Variants in NTM observed in about 807,000 individuals in gnomAD.
NTM encodes neurotrimin.
In NTM, 13 loss-of-function variants were observed where a neutral mutation model predicts 42.1. The ratio of observed to expected loss-of-function variants is 0.31; its 90% CI spans 0.20 to 0.49. The LOEUF is 0.49. Ranked by LOEUF, NTM falls within the 20% of genes least tolerant of loss-of-function variation. NTM has a pLI of 0.99. For synonymous variants in NTM, 187 were observed against 179.2 expected, an observed-to-expected ratio of 1.04 and a Z score of -0.35; for missense variants, 373 against 452.8, an observed-to-expected ratio of 0.82 and a Z score of 1.60.
intron 4 of NTM, among the ~76,000 whole-genome samples, chr11:132,276,722 G>A (rs1257555796): frequency 6.6e-6 from 1 of 152,190 alleles, no homozygotes; most frequent in Non-Finnish European, 1.5e-5. Flanking sequence ...TGTGGGGGAA[G>A]AGTGTGCTCT....
chr11:131,534,555 G>A (rs2051840997), intron 1 of NTM: 1 of 152,112 alleles, frequency 6.6e-6, no homozygotes, highest in Non-Finnish European at 1.5e-5. Context: ...TACATCATAG[G>A]TTTTCAAAAA....
intron 3 of NTM, among the ~76,000 whole-genome samples, chr11:132,175,047 A>G (rs1033574528): frequency 1.3e-5 from 2 of 152,166 alleles, no homozygotes; most frequent in Non-Finnish European, 2.9e-5. Context: ...GGAGTTTAGC[A>G]GCATTCGGTC....
intron 1 of NTM, among the ~76,000 whole-genome samples, chr11:131,563,073 T>G (rs979963827): frequency 6.6e-6 from 1 of 152,182 alleles, no homozygotes; most frequent in Non-Finnish European, 1.5e-5. Flanking sequence ...GCAAATCACT[T>G]TCACCTCCTT....
chr11:131,652,817 C>T (rs572563324), intron 1 of NTM, among the ~76,000 whole-genome samples: 8 of 152,318 alleles, frequency 5.3e-5, no homozygotes, highest in East Asian at 1.9e-4. Context: ...CTGAGCAAGT[C>T]GGGGCACTCC....
intron 1 of NTM, among the ~76,000 whole-genome samples, chr11:131,748,145 C>T (rs1319495043): frequency 6.6e-6 from 1 of 152,198 alleles, no homozygotes; most frequent in African/African-American, 2.4e-5. Context: ...GTCATATAGT[C>T]ACTCAACCAA....
rs1371188947 is a variant in NTM at position 131,386,427 on chromosome 11, A to T, written c.82+15539A>T. 2.0e-5 allele frequency among the ~76,000 whole-genome samples: 3 copies of T among 152,378 alleles called. No homozygotes were observed. The East Asian group carries it at 5.8e-4, about 29-fold the overall frequency. On this transcript the variant is annotated intron_variant, in intron 1 of 8. Coordinates refer to ENST00000683400, the MANE Select transcript of NTM (RefSeq NM_001352005.2). ...AACATACTCAATGTCACTTAATGGT[A>T]CACTTAGAAATGGTTAAAAGGGTGA...
intron 1 of NTM, among the ~76,000 whole-genome samples, chr11:131,438,177 C>T (rs2084439): frequency 0.93 from 141,443 of 152,268 alleles, 65,871 homozygotes; most frequent in East Asian, 1. Flanking sequence ...CTTCCATTTG[C>T]TGTTAACCTG....
intron 1 of NTM, among the ~76,000 whole-genome samples, chr11:131,399,580 G>T (rs963380237): frequency 2.0e-5 from 3 of 152,178 alleles, no homozygotes; most frequent in African/African-American, 7.2e-5. Flanking sequence ...GTGGGGCTTT[G>T]AGTCCTGGAA....
rs149327327 is a variant in NTM at position 132,161,701 on chromosome 11, C to T, written c.400+15187C>T. On this transcript the variant is annotated intron_variant, in intron 3 of 8. Transcript: ENST00000683400. ...CCATCCCTCTGTTTCACCCAGTGTCCGCTTTCTTCCCCGTGCGCAGCCCTG... is the reference window on the plus strand; with the variant it reads ...CCATCCCTCTGTTTCACCCAGTGTCTGCTTTCTTCCCCGTGCGCAGCCCTG... 1.8e-4 allele frequency among the ~76,000 whole-genome samples: 28 copies of T among 152,090 alleles called. No individual in the cohort carries two copies. In the East Asian group the frequency reaches 4.7e-3, roughly 25 times the overall value.
intron 1 of NTM, among the ~76,000 whole-genome samples, chr11:131,878,597 ATATATATATATATATATATAT>A (rs1565667018): frequency 0.031 from 298 of 9,712 alleles, 80 homozygotes; most frequent in African/African-American, 0.087. Context: ...AAAAAAAAAT[ATATATATATATATATATATAT>A]ATATATATAT....
intron 8 of NTM, among the ~76,000 whole-genome samples, chr11:132,331,005 T>C (rs1445484964): frequency 6.6e-6 from 1 of 152,228 alleles, no homozygotes. Context: ...TCCTTCCACA[T>C]AGCATTCATT....
intron 1 of NTM, among the ~76,000 whole-genome samples, chr11:131,498,160 C>T (rs975728657): frequency 1.3e-5 from 2 of 152,170 alleles, no homozygotes; most frequent in African/African-American, 2.4e-5. Flanking sequence ...CACTTGGCGG[C>T]ACCAAGCATT....
intron 1 of NTM, among the ~76,000 whole-genome samples, chr11:131,703,882 T>G (rs1473576973): frequency 6.6e-6 from 1 of 151,838 alleles, no homozygotes; most frequent in Non-Finnish European, 1.5e-5. Context: ...ATAGCCCCAG[T>G]TTCCAGGCCT....
At chr11:131,660,036 A>C (rs568768387) in intron 1 of NTM, among the ~76,000 whole-genome samples, 6 of 152,336 alleles carry the variant, frequency 3.9e-5, no homozygotes, top group Admixed American at 6.5e-5. Flanking sequence ...TTGCAAGTAG[A>C]ATGCTCAGAG....
In NTM at chr11:132,041,241, GA is replaced by G. The variant is rs1454518426; in HGVS notation, c.168-105040del. On this transcript the variant is annotated intron_variant, in intron 2 of 8. Transcript: ENST00000683400. Reference sequence around the variant, plus strand: ...AGAGAGAGAGATAGATAGAGAGAGAGAGAGAGAGAGAGAGAGAAAGTGAGAA... The same window carrying G: ...AGAGAGAGAGATAGATAGAGAGAGAGGAGAGAGAGAGAGAGAAAGTGAGAA... Among the ~76,000 whole-genome samples, 10 of 151,984 alleles carry G rather than the reference GA, an allele frequency of 6.6e-5. 1 individual carries two copies. The South Asian group carries it at 2.1e-3, about 32-fold the overall frequency.
In NTM at chr11:131,680,497, G is replaced by A. The variant is rs1019854678; in HGVS notation, c.83-231067G>A. Among the ~76,000 whole-genome samples the A allele has an allele frequency of 4.3e-3, 599 of 138,774 alleles. 1 individual carries two copies. The highest frequency in any genetic ancestry group is 6.5e-3 in the Non-Finnish European group (420 of 64,428). 91.0% of individuals were successfully genotyped at this position (138,774 alleles called of 152,430 possible). A position where few individuals can be genotyped will look rare whatever the true frequency, so the allele number is the denominator to read the frequency against. ...TGTGTGTGCACGTCTGTGTAGGCAT[G>A]TGTGCCTCTGTGTCTGTGTGAGATC... On this transcript the variant is annotated intron_variant, in intron 1 of 8. Transcript: ENST00000683400.
intron 1 of NTM, among the ~76,000 whole-genome samples, chr11:131,830,308 C>A (rs183940757): frequency 6.6e-6 from 1 of 152,050 alleles, no homozygotes; most frequent in Non-Finnish European, 1.5e-5. Context: ...TGATGTCTTA[C>A]ATTTAATCTT....
chr11:131,377,188 C>T (rs760152800), intron 1 of NTM, among the ~76,000 whole-genome samples: 5 of 152,160 alleles, frequency 3.3e-5, no homozygotes, highest in Non-Finnish European at 7.4e-5. Flanking sequence ...TCTGGGTTCT[C>T]ATAACACAGA....
chr11:132,258,917 A>G (rs528425257), intron 4 of NTM, among the ~76,000 whole-genome samples: 3 of 152,344 alleles, frequency 2.0e-5, no homozygotes, highest in African/African-American at 7.2e-5. Context: ...AAATAGTCCA[A>G]TTCAGCAAAC....
Sources: gnomAD v4.1 joint callset for allele counts (sites outside exome capture counted in the v4.1 genomes callset) on GRCh38, gnomAD v4.1.1 for gene constraint, MANE v1.5 for transcripts, NCBI Gene and HGNC (gene_info 2026-07-23, HGNC 2026-07-21) for gene names.